ADCY8: variants seen among roughly 807,000 people sequenced by gnomAD.
ADCY8 encodes adenylate cyclase 8.
Under a neutral mutation model 119.7 loss-of-function variants are expected in ADCY8, and 51 were observed. The ratio of observed to expected loss-of-function variants is 0.43; its 90% CI spans 0.34 to 0.54. The LOEUF (loss-of-function observed/expected upper bound fraction) is 0.54. Among genes scored for constraint, ADCY8 ranks in the 20% least tolerant of loss-of-function variants. The pLI, the probability that ADCY8 is intolerant of heterozygous loss-of-function variation, is 0.03. For missense variants in ADCY8, 1,383 were observed against 1,598.8 expected (o/e 0.87, Z 2.30); for synonymous variants, 665 against 651.0 (o/e 1.02, Z -0.33).
At chr8:130,845,888 G>A (rs1032904300) in intron 11 of ADCY8, among the ~76,000 whole-genome samples, 8 of 152,108 alleles carry the variant, frequency 5.3e-5, no homozygotes, top group African/African-American at 1.9e-4. Context: ...AAGAAGTGAG[G>A]AAGAAATAAG....
chr8:130,863,355 C>A (rs1164584104), intron 9 of ADCY8, among the ~76,000 whole-genome samples: 4 of 148,414 alleles, frequency 2.7e-5, no homozygotes, highest in Non-Finnish European at 5.9e-5. Flanking sequence ...TGAGTCTATA[C>A]CTATAGTGGG....
chr8:130,838,911 C>T (rs60891573), intron 11 of ADCY8, among the ~76,000 whole-genome samples: 2 of 140,336 alleles, frequency 1.4e-5, no homozygotes, highest in Non-Finnish European at 3.2e-5. Context: ...AGAGGAAGGA[C>T]AAAGCGTTGT....
intron 9 of ADCY8, among the ~76,000 whole-genome samples, chr8:130,851,883 A>G (rs1346389214): frequency 6.6e-6 from 1 of 152,230 alleles, no homozygotes; most frequent in African/African-American, 2.4e-5. Flanking sequence ...TAGATCATTC[A>G]GTTACAGATA....
At chr8:130,986,309 G>T (rs947232642) in intron 2 of ADCY8, among the ~76,000 whole-genome samples, 1 of 152,130 alleles carries the variant, frequency 6.6e-6, no homozygotes, top group Non-Finnish European at 1.5e-5. Flanking sequence ...TATTCATATA[G>T]GTAGAAGTGA....
chr8:130,971,311 G>T (rs12335232), intron 2 of ADCY8, among the ~76,000 whole-genome samples: 119,063 of 152,076 alleles, frequency 0.78, 50,048 homozygotes, highest in East Asian at 0.95. Flanking sequence ...GCCCTGCTGA[G>T]AAGGAACCTC....
intron 12 of ADCY8, among the ~76,000 whole-genome samples, chr8:130,828,376 AG>A (rs1389109717): frequency 6.6e-6 from 1 of 152,110 alleles, no homozygotes; most frequent in African/African-American, 2.4e-5. Flanking sequence ...CTTGGCCTGG[AG>A]GGCACATGGC....
At position 131,040,129 on chromosome 8, in the gene ADCY8, A is replaced by T. The variant is rs993764645; in HGVS notation, c.205T>A (p.Ser69Thr). 1 of 1,531,614 alleles carries T rather than the reference A, an allele frequency of 6.5e-7. No individual in the cohort carries two copies. Among genetic ancestry groups the T allele is most frequent in the African/African-American group, 1.4e-5 (1 of 72,826 alleles). The allele number at this position is 1,531,614 out of a possible 1,614,324, so 94.9% of individuals were successfully genotyped here. The change falls in exon 1 of 18, where the codon TCG becomes ACG. Residue 69 changes from serine to threonine, a missense_variant. Ser to Thr is a moderately conservative substitution (Grantham distance 58). Transcript: ENST00000286355. ...TTGGGGCCGCCGCCCGCAGGGTCCGAGGCTTTGCCCGAGCCTCCACTCCCG... is the reference window on the plus strand; with the variant it reads ...TTGGGGCCGCCGCCCGCAGGGTCCGTGGCTTTGCCCGAGCCTCCACTCCCG... ...GSGSGGSGKA[S>T]DPAGGGPNHH...
At chr8:130,942,756 G>T (rs192034353) in intron 4 of ADCY8, among the ~76,000 whole-genome samples, 2 of 152,152 alleles carry the variant, frequency 1.3e-5, no homozygotes, top group African/African-American at 2.4e-5. Context: ...ATATTACTTC[G>T]TAACTCAAGT....
intron 1 of ADCY8, among the ~76,000 whole-genome samples, chr8:131,035,750 T>C (rs1234795715): frequency 6.6e-6 from 1 of 152,174 alleles, no homozygotes; most frequent in Non-Finnish European, 1.5e-5. Context: ...GCTGCCAAGG[T>C]GTGCTAACTC....
At chr8:130,951,691 T>C (rs940399957) in intron 3 of ADCY8, among the ~76,000 whole-genome samples, 177 bp downstream of exon 3, 2 of 152,210 alleles carry the variant, frequency 1.3e-5, no homozygotes, top group African/African-American at 4.8e-5. Context: ...CATTCTTCTC[T>C]AGCCTTAATT....
chr8:130,983,226 TTACTC>T (rs1478433435), intron 2 of ADCY8, among the ~76,000 whole-genome samples: 2 of 152,172 alleles, frequency 1.3e-5, no homozygotes, highest in African/African-American at 4.8e-5. Context: ...GGCAAATCCT[TTACTC>T]TAAGCGAGGG....
Position 130,785,385 on chromosome 8 carries a change from GT to G in ADCY8, c.3150del (p.Lys1050AsnfsTer21), listed in dbSNP as rs2130047884. The G allele has an allele frequency of 1.2e-6, 2 of 1,606,088 alleles. No homozygotes were observed. Among genetic ancestry groups the G allele is most frequent in the Non-Finnish European group, 1.7e-6 (2 of 1,176,002 alleles). On this transcript the variant is annotated frameshift_variant, in exon 16 of 18. Coordinates refer to ENST00000286355, the MANE Select transcript of ADCY8 (RefSeq NM_001115.3). LOFTEE classifies it high-confidence loss of function. ...YMAVSGLSPE[K>X]QQCEDKWGHL... ...GCTGAGTCCAAAGAGTCCTTTACCT[GT>G]TTTTCAGGTGACAGGCCTGACACGG...
At chr8:130,872,845 G>A (rs1199508780) in intron 8 of ADCY8, among the ~76,000 whole-genome samples, 1 of 152,208 alleles carries the variant, frequency 6.6e-6, no homozygotes, top group Non-Finnish European at 1.5e-5. Flanking sequence ...TGTTTGATTT[G>A]ATGAAGTTCA....
intron 10 of ADCY8, among the ~76,000 whole-genome samples, chr8:130,848,699 T>C (rs978159301): frequency 4.6e-5 from 7 of 152,270 alleles, no homozygotes; most frequent in Admixed American, 2.6e-4. Context: ...CTAGCCTCTC[T>C]CAACAAGCCA....
At chr8:131,001,974 T>C (rs906439911) in intron 1 of ADCY8, among the ~76,000 whole-genome samples, 1 of 152,210 alleles carries the variant, frequency 6.6e-6, no homozygotes, top group Non-Finnish European at 1.5e-5. Flanking sequence ...CCAGGGGGAC[T>C]GTAGGAAGTC....
chr8:131,035,008 T>C (rs1239905400), intron 1 of ADCY8, among the ~76,000 whole-genome samples: 1 of 152,160 alleles, frequency 6.6e-6, no homozygotes, highest in Non-Finnish European at 1.5e-5. Context: ...TTCTCTACCT[T>C]GTGAAAGAAC....
intron 7 of ADCY8, among the ~76,000 whole-genome samples, chr8:130,886,735 T>A (rs1241028656): frequency 1.3e-5 from 2 of 152,114 alleles, no homozygotes; most frequent in African/African-American, 4.8e-5. Flanking sequence ...CTGAGCACAT[T>A]CATAGTTAGG....
chr8:130,873,317 T>C (rs1818433484), intron 8 of ADCY8, among the ~76,000 whole-genome samples: 1 of 151,990 alleles, frequency 6.6e-6, no homozygotes, highest in South Asian at 2.1e-4. Flanking sequence ...GTAACTGTAC[T>C]CTGTCTTTTT....
At position 130,894,839 on chromosome 8, in the gene ADCY8, C is replaced by T. The variant is rs1443427254; in HGVS notation, c.1911+8933G>A. Among the ~76,000 whole-genome samples, 3 of 151,994 alleles carry T rather than the reference C, an allele frequency of 2.0e-5. No homozygotes were observed. In the East Asian group the frequency reaches 5.8e-4, roughly 29 times the overall value. On this transcript the variant is annotated intron_variant, in intron 7 of 17. Transcript: ENST00000286355. ...GCAGGAAAACTGGTGGGTCAGGGCA[C>T]ATATAAAATTACTTGAAAAATGGGA...
Sources: allele counts gnomAD v4.1 joint callset (sites outside exome capture counted in the v4.1 genomes callset), GRCh38; gene constraint gnomAD v4.1.1; transcripts MANE v1.5; gene names NCBI Gene and HGNC (gene_info 2026-07-23, HGNC 2026-07-21).